SCMH1: variants seen among roughly 807,000 people sequenced by gnomAD.
SCMH1 encodes the protein polycomb protein SCMH1.
A neutral mutation model predicts 70.8 loss-of-function variants in SCMH1; 37 were observed. The ratio of observed to expected loss-of-function variants is 0.52; its 90% CI spans 0.40 to 0.69. The LOEUF (loss-of-function observed/expected upper bound fraction) is 0.69. Ranked by LOEUF, SCMH1 falls within the 30% of genes least tolerant of loss-of-function variation. The probability of loss-of-function intolerance (pLI) is 0.00; values close to 1 mark genes in which losing one functional copy is unlikely to be tolerated. For missense variants in SCMH1, 607 were observed against 827.3 expected, an observed-to-expected ratio of 0.73 and a Z score of 3.27; for synonymous variants, 292 against 307.4, an observed-to-expected ratio of 0.95 and a Z score of 0.52.
chr1:41,086,455 GTTCTT>G (rs1186322894), intron 8 of SCMH1, among the ~76,000 whole-genome samples: 1 of 152,078 alleles, frequency 6.6e-6, no homozygotes, highest in African/African-American at 2.4e-5. Context: ...ATCTATCCTT[GTTCTT>G]TTATTTTTCA....
intron 1 of SCMH1, among the ~76,000 whole-genome samples, chr1:41,195,222 G>A (rs995829974): frequency 6.9e-6 from 1 of 145,178 alleles, no homozygotes; most frequent in Non-Finnish European, 1.5e-5. Context: ...CATGAAACTA[G>A]CCATAGATAA....
At chr1:41,137,935 T>C (rs1047266635) in intron 6 of SCMH1, among the ~76,000 whole-genome samples, 2 of 152,248 alleles carry the variant, frequency 1.3e-5, no homozygotes, top group Non-Finnish European at 2.9e-5. Flanking sequence ...AAACTTTCTA[T>C]GTTCAAATTA....
At chr1:41,063,001 T>C (rs1653301637) in intron 10 of SCMH1, among the ~76,000 whole-genome samples, 1 of 151,578 alleles carries the variant, frequency 6.6e-6, no homozygotes, top group African/African-American at 2.4e-5. Context: ...AAGCAGTGTT[T>C]AAAGGGTGAC....
At chr1:41,170,576 T>G (rs796665062) in intron 2 of SCMH1, among the ~76,000 whole-genome samples, 5 of 152,270 alleles carry the variant, frequency 3.3e-5, no homozygotes, top group African/African-American at 1.2e-4. Flanking sequence ...TTCTAATAGG[T>G]CATTTGCCAC....
At chr1:41,232,696 G>A (rs892764332) in intron 1 of SCMH1, among the ~76,000 whole-genome samples, 4 of 152,110 alleles carry the variant, frequency 2.6e-5, no homozygotes, top group African/African-American at 7.2e-5. Flanking sequence ...TAAAAATAAC[G>A]TGTTTATACG....
intron 11 of SCMH1, among the ~76,000 whole-genome samples, chr1:41,047,460 G>A (rs1385990592): frequency 2.8e-5 from 4 of 143,772 alleles, no homozygotes; most frequent in Non-Finnish European, 4.5e-5. Context: ...GCAATGGCAC[G>A]ATCTCAGCTC....
upstream of SCMH1, chr1:41,242,275 G>A (rs951837301): frequency 6.9e-6 from 1 of 145,048 alleles, no homozygotes; most frequent in East Asian, 2.0e-4. The surrounding 1 kb of genome is among the most constrained non-coding windows in gnomAD (Gnocchi z 5.2). Flanking sequence ...CCCGCTGCGA[G>A]GTGGCGCGCG....
At chr1:41,038,346 G>A (rs1000963911) in intron 12 of SCMH1, among the ~76,000 whole-genome samples, 3 of 152,178 alleles carry the variant, frequency 2.0e-5, no homozygotes, top group South Asian at 4.1e-4. Flanking sequence ...CCTCATGACT[G>A]GGTTCTACCC....
intron 8 of SCMH1, among the ~76,000 whole-genome samples, chr1:41,091,610 T>G (rs1041373613): frequency 7.9e-5 from 12 of 152,228 alleles, no homozygotes; most frequent in African/African-American, 7.2e-5. Flanking sequence ...TGTTTGCAGA[T>G]GACATGATTG....
At chr1:41,228,791 T>A (rs1336744451) in intron 1 of SCMH1, among the ~76,000 whole-genome samples, 1 of 151,932 alleles carries the variant, frequency 6.6e-6, no homozygotes, top group Non-Finnish European at 1.5e-5. Context: ...AGTATAATTA[T>A]CAGACTTAAA....
intron 2 of SCMH1, among the ~76,000 whole-genome samples, chr1:41,176,189 CA>C (rs61348122): frequency 0.4 from 43,778 of 109,908 alleles, 7,673 homozygotes; most frequent in Admixed American, 0.53. Context: ...CCAAAAAAAA[CA>C]AAAAAAAAAC....
intron 1 of SCMH1, among the ~76,000 whole-genome samples, chr1:41,237,217 A>G (rs1209807143): frequency 6.6e-6 from 1 of 152,228 alleles, no homozygotes; most frequent in Non-Finnish European, 1.5e-5. Context: ...GGAATAAAAA[A>G]GACAGAATTT....
rs769415032 is a variant in SCMH1, at chr1:41,028,329, G to C, written c.1822-10C>G. The C allele has an allele frequency of 1.2e-6, 2 of 1,613,454 alleles. No homozygotes were observed. Among genetic ancestry groups the C allele is most frequent in the East Asian group, 4.5e-5 (2 of 44,870 alleles). On this transcript the variant is annotated splice_polypyrimidine_tract_variant and intron_variant, in intron 14 of 14. Transcript: ENST00000337495. ...CCTTGCCATCGATCTCCTGGGGGGT[G>C]GGGAGGTGGGCAGAAGTGGAAGGGA...
chr1:41,218,279 G>T (rs1226578780), intron 1 of SCMH1, among the ~76,000 whole-genome samples: 1 of 152,096 alleles, frequency 6.6e-6, no homozygotes, highest in Non-Finnish European at 1.5e-5. Context: ...GTGTACCCCT[G>T]GTACCTGTGA....
chr1:41,093,529 A>T (rs1275825268), intron 8 of SCMH1, among the ~76,000 whole-genome samples: 1 of 152,196 alleles, frequency 6.6e-6, no homozygotes, highest in Non-Finnish European at 1.5e-5. Context: ...ATAATAATAA[A>T]AAAAGTTAAT....
At chr1:41,191,258 G>A (rs1019880415) in intron 1 of SCMH1, among the ~76,000 whole-genome samples, 1 of 152,162 alleles carries the variant, frequency 6.6e-6, no homozygotes, top group Non-Finnish European at 1.5e-5. Flanking sequence ...ACATAACTTG[G>A]CTGAAATCTC....
At chr1:41,197,133 T>G (rs530412015) in intron 1 of SCMH1, among the ~76,000 whole-genome samples, 3 of 152,134 alleles carry the variant, frequency 2.0e-5, no homozygotes, top group Non-Finnish European at 4.4e-5. Flanking sequence ...GGAAAATGGT[T>G]GGCAGTTCTT....
intron 12 of SCMH1, among the ~76,000 whole-genome samples, chr1:41,041,904 CTTA>C (rs1646222557): frequency 6.6e-6 from 1 of 152,152 alleles, no homozygotes; most frequent in African/African-American, 2.4e-5. Context: ...TACAGCTAAA[CTTA>C]ATAGTCACTG....
intron 8 of SCMH1, among the ~76,000 whole-genome samples, chr1:41,110,192 T>C (rs572937147): frequency 6.6e-6 from 1 of 152,268 alleles, no homozygotes; most frequent in East Asian, 1.9e-4. Flanking sequence ...TGCCCGAGGA[T>C]CTCTCCACCT....
Sources: gnomAD v4.1 joint callset for allele counts (sites outside exome capture counted in the v4.1 genomes callset) on GRCh38, gnomAD v4.1.1 for gene constraint, Gnocchi (gnomAD v3.1) non-coding constraint, MANE v1.5 for transcripts, NCBI Gene and HGNC (gene_info 2026-07-23, HGNC 2026-07-21) for gene names.